The following PRKG1 variants were observed in gnomAD, a reference collection of about 807,000 sequenced individuals.
The protein encoded by PRKG1 is cGMP-dependent protein kinase 1.
Under a neutral mutation model 88.1 loss-of-function variants are expected in PRKG1, and 35 were observed. The ratio of observed to expected loss-of-function variants is 0.40; its 90% CI spans 0.30 to 0.53. The LOEUF (loss-of-function observed/expected upper bound fraction) is 0.53. PRKG1 is among the 20% of genes least tolerant of loss of function. The pLI is 0.59. For synonymous variants in PRKG1, 303 were observed against 292.5 expected (o/e 1.04, Z -0.37); for missense variants, 540 against 839.8 (o/e 0.64, Z 4.41).
chr10:51,630,668 A>G (rs909700869), intron 3 of PRKG1, among the ~76,000 whole-genome samples: 1 of 152,208 alleles, frequency 6.6e-6, no homozygotes, highest in African/African-American at 2.4e-5. Context: ...ATGGTGACTC[A>G]TTAATCTTCT....
chr10:51,308,004 A>G (rs1841082262), intron 2 of PRKG1, among the ~76,000 whole-genome samples: 1 of 152,140 alleles, frequency 6.6e-6, no homozygotes, highest in Non-Finnish European at 1.5e-5. Context: ...TTTCCCTCTT[A>G]AATCAAATAA....
intron 3 of PRKG1, among the ~76,000 whole-genome samples, chr10:51,598,033 T>A (rs969619013): frequency 3.9e-5 from 6 of 152,196 alleles, no homozygotes; most frequent in African/African-American, 1.4e-4. Context: ...CTTGAACTGC[T>A]ATAAATCTAA....
chr10:51,387,655 C>T (rs1165272173), intron 2 of PRKG1, among the ~76,000 whole-genome samples: 1 of 152,132 alleles, frequency 6.6e-6, no homozygotes, highest in East Asian at 1.9e-4. Context: ...CAGCTTTTAG[C>T]TTTCTGGCTG....
chr10:51,139,686 A>G (rs1318629599), intron 1 of PRKG1, among the ~76,000 whole-genome samples: 1 of 152,182 alleles, frequency 6.6e-6, no homozygotes, highest in African/African-American at 2.4e-5. Context: ...TATACTTTCA[A>G]GTTAGTCTCA....
rs1847950447 is a variant in PRKG1, at chr10:52,127,195, T to TA, written c.936-6639dup. 4.6e-5 allele frequency among the ~76,000 whole-genome samples: 7 copies of TA among 152,038 alleles called. No homozygotes were observed. The South Asian group carries it at 1.5e-3, about 32-fold the overall frequency. On this transcript the variant is annotated intron_variant, in intron 7 of 17. Coordinates refer to ENST00000373980, the MANE Select transcript of PRKG1 (RefSeq NM_006258.4). The stretch of plus-strand genomic sequence containing the variant: ...ATACACAAGAGAGATGGGGAAGAGT[T>TA]AAAAAATGAATCCAATCTTTTGAGC...
intron 2 of PRKG1, among the ~76,000 whole-genome samples, chr10:51,289,321 G>A (rs1257283679): frequency 6.6e-6 from 1 of 152,080 alleles, no homozygotes; most frequent in Non-Finnish European, 1.5e-5. Context: ...TCACCTCTGG[G>A]TAGCATTGCT....
At chr10:51,891,822 G>T (rs112592669) in intron 4 of PRKG1, among the ~76,000 whole-genome samples, 2 of 152,188 alleles carry the variant, frequency 1.3e-5, no homozygotes, top group Admixed American at 1.3e-4. Flanking sequence ...ATAGGTAGTG[G>T]ATCAGTGGAC....
At position 51,383,158 on chromosome 10, in the gene PRKG1, A is replaced by C. The variant is rs546144053; in HGVS notation, c.479-84565A>C. On this transcript the variant is annotated intron_variant, in intron 2 of 17. Transcript: ENST00000373980. ...TGAGGATAGAGAAGATCCCTGAACAACACCAAAGTCTTGTTAGGAAGAATG... is the reference window on the plus strand; with the variant it reads ...TGAGGATAGAGAAGATCCCTGAACACCACCAAAGTCTTGTTAGGAAGAATG... Among the ~76,000 whole-genome samples the C allele has an allele frequency of 4.6e-5, 7 of 152,256 alleles. No homozygotes were observed. The South Asian group carries it at 1.2e-3, about 27-fold the overall frequency.
chr10:51,781,091 CTG>C (rs1157103529), intron 3 of PRKG1, among the ~76,000 whole-genome samples: 5 of 152,046 alleles, frequency 3.3e-5, no homozygotes, highest in Non-Finnish European at 7.4e-5. Context: ...ATAATGATTA[CTG>C]TGTTCTATCT....
At chr10:51,285,973 T>TTTAC (rs1840430677) in intron 2 of PRKG1, among the ~76,000 whole-genome samples, 1 of 151,716 alleles carries the variant, frequency 6.6e-6, no homozygotes. Flanking sequence ...TTATTTATTA[T>TTTAC]TTATTTATTT....
intron 4 of PRKG1, among the ~76,000 whole-genome samples, chr10:51,893,629 G>T (rs940853462): frequency 3.9e-5 from 6 of 152,130 alleles, no homozygotes; most frequent in African/African-American, 1.4e-4. Flanking sequence ...TACATGGCAT[G>T]CTCTATATTA....
At chr10:52,187,949 T>C (rs1375158380) in intron 9 of PRKG1, among the ~76,000 whole-genome samples, 2 of 152,200 alleles carry the variant, frequency 1.3e-5, no homozygotes, top group African/African-American at 4.8e-5. Context: ...GGATGTAGAA[T>C]TGTTAAAAGA....
At chr10:51,907,427 T>G in intron 4 of PRKG1, 80 bp from the exon 5 acceptor site, 1 of 1,143,068 alleles carries the variant, frequency 8.7e-7, no homozygotes, top group South Asian at 1.6e-5. Context: ...TGTATTTTAA[T>G]TAGATTCATG....
chr10:51,342,032 T>C (rs1002088129), intron 2 of PRKG1, among the ~76,000 whole-genome samples: 13 of 152,148 alleles, frequency 8.5e-5, no homozygotes, highest in African/African-American at 3.1e-4. Context: ...GAGATTTGGG[T>C]TGGGACACAG....
Position 51,662,496 on chromosome 10 carries a change from A to C in PRKG1, c.593-142089A>C, listed in dbSNP as rs544966304. Among the ~76,000 whole-genome samples, 4 of 152,274 alleles carry C rather than the reference A, an allele frequency of 2.6e-5. No individual in the cohort carries two copies. In the South Asian group the frequency reaches 8.3e-4, roughly 32 times the overall value. On this transcript the variant is annotated intron_variant, in intron 3 of 17. Transcript: ENST00000373980. Reference sequence around the variant, plus strand: ...TGACAAAACATATGGTATAAGACTTAGAATTGTGGTTCAAGACTCTAGTCA... The same window carrying C: ...TGACAAAACATATGGTATAAGACTTCGAATTGTGGTTCAAGACTCTAGTCA...
chr10:51,817,748 T>G (rs1055220903), intron 4 of PRKG1, among the ~76,000 whole-genome samples: 3 of 152,208 alleles, frequency 2.0e-5, no homozygotes, highest in African/African-American at 7.2e-5. Context: ...TAAATGAGTA[T>G]GAAAAGTAGT....
chr10:52,011,487 C>A (rs1306754180), intron 5 of PRKG1, among the ~76,000 whole-genome samples: 1 of 152,106 alleles, frequency 6.6e-6, no homozygotes. Context: ...TTTTTTTGGT[C>A]CTATCTAGAG....
intron 4 of PRKG1, among the ~76,000 whole-genome samples, chr10:51,895,059 CTT>C (rs1841810046): frequency 6.6e-6 from 1 of 152,118 alleles, no homozygotes; most frequent in South Asian, 2.1e-4. Context: ...TCACAGATTT[CTT>C]TTTTGAATCA....
intron 1 of PRKG1, among the ~76,000 whole-genome samples, chr10:51,034,664 T>TTTTATATATA (rs1554831102): frequency 1.0e-4 from 1 of 9,946 alleles, no homozygotes; most frequent in African/African-American, 4.5e-4. Context: ...ATATAATATG[T>TTTTATATATA]TATTTATATA....
Sources: gnomAD v4.1 joint callset for allele counts (sites outside exome capture counted in the v4.1 genomes callset) on GRCh38, gnomAD v4.1.1 for gene constraint, MANE v1.5 for transcripts, NCBI Gene and HGNC (gene_info 2026-07-23, HGNC 2026-07-21) for gene names.